SEC14L3: variants seen among roughly 807,000 people sequenced by gnomAD.
SEC14L3 encodes SEC14-like protein 3.
A neutral mutation model predicts 57.4 loss-of-function variants in SEC14L3; 56 were observed. The observed-to-expected ratio is 0.97, with a 90% CI of 0.79 to 1.22. The LOEUF (loss-of-function observed/expected upper bound fraction) is 1.22, where lower values mean the gene tolerates loss of function less well. Among genes scored for constraint, SEC14L3 ranks in the 50% most tolerant of loss-of-function variants. The probability of loss-of-function intolerance (pLI) is 0.00; values close to 1 mark genes in which losing one functional copy is unlikely to be tolerated. For missense variants in SEC14L3, 485 were observed against 511.7 expected, an observed-to-expected ratio of 0.95 and a Z score of 0.50; for synonymous variants, 173 against 194.4, an observed-to-expected ratio of 0.89 and a Z score of 0.92.
intron 8 of SEC14L3, among the ~76,000 whole-genome samples, chr22:30,463,087 T>C (rs1365531248): frequency 6.6e-6 from 1 of 152,206 alleles, no homozygotes; most frequent in African/African-American, 2.4e-5. Flanking sequence ...CTAAGAGTTA[T>C]CTAATTGCCT....
intron 4 of SEC14L3, 132 bp from the exon 5 acceptor site, chr22:30,468,828 C>T (rs780031926): frequency 9.7e-5 from 152 of 1,574,570 alleles, no homozygotes; most frequent in Non-Finnish European, 1.2e-4. Context: ...GAAGACAGTG[C>T]TATTGTCTCA....
chr22:30,468,071 G>T (rs768493372), intron 5 of SEC14L3, among the ~76,000 whole-genome samples: 1 of 152,114 alleles, frequency 6.6e-6, no homozygotes, highest in Admixed American at 6.5e-5. Flanking sequence ...ACAAGGTCAG[G>T]AGATCGAGAC....
At chr22:30,471,224 G>T (rs1213264629) in intron 1 of SEC14L3, 4 of 441,260 alleles carry the variant, frequency 9.1e-6, no homozygotes, top group Non-Finnish European at 1.8e-5. Context: ...GACAGAGGCT[G>T]CAGTGAGCTG....
At position 30,466,677 on chromosome 22, in the gene SEC14L3, A is replaced by G. The variant is rs912685499; in HGVS notation, c.520-283T>C. 2.7e-5 allele frequency among the ~76,000 whole-genome samples: 4 copies of G among 149,026 alleles called. No homozygotes were observed. The East Asian group carries it at 6.0e-4, about 22-fold the overall frequency. On this transcript the variant is annotated intron_variant, in intron 6 of 11. Transcript: ENST00000215812. ...GTTCACTATTTGCCAAGCAGTGTATATACACTTTACATAACAACTTGCTGA... is the reference window on the plus strand; with the variant it reads ...GTTCACTATTTGCCAAGCAGTGTATGTACACTTTACATAACAACTTGCTGA...
At chr22:30,468,819 A>G (rs1352478031) in intron 4 of SEC14L3, 123 bp from the exon 5 acceptor site, 1 of 1,583,426 alleles carries the variant, frequency 6.3e-7, no homozygotes, top group Admixed American at 1.9e-5. Context: ...CCCTCCCTGG[A>G]AGACAGTGCT....
Position 30,470,500 on chromosome 22 carries a change from C to T in SEC14L3, c.130+7G>A, listed in dbSNP as rs1569232736. On this transcript the variant is annotated splice_region_variant and intron_variant, in intron 2 of 11. Transcript: ENST00000215812. ...CTGATCCCAACCTCTCCCACCTCTG[C>T]CCTCACCTCGGAGCCAGCGTAGAAG... The T allele has an allele frequency of 6.2e-7, 1 of 1,614,124 alleles. No homozygotes were observed. The highest frequency in any genetic ancestry group is 1.7e-5 in the Admixed American group (1 of 60,026).
chr22:30,455,953 A>G (rs1935112119), downstream of SEC14L3, among the ~76,000 whole-genome samples: 1 of 152,116 alleles, frequency 6.6e-6, no homozygotes, highest in African/African-American at 2.4e-5. Context: ...TTCCTGCCCT[A>G]TGCTGCTAGC....
rs114360874 is a variant in SEC14L3, at chr22:30,464,076, T to C, written c.664+744A>G. ...TTCCATGGCATTAAATATTCACATA[T>C]AGCCTTATTTCTCATGGCGGCTCCA... On this transcript the variant is annotated intron_variant, in intron 8 of 11. Transcript: ENST00000215812. Among the ~76,000 whole-genome samples, 954 of 152,346 alleles carry C rather than the reference T, an allele frequency of 6.3e-3. 11 individuals are homozygous for C. The highest frequency in any genetic ancestry group is 0.021 in the African/African-American group (887 of 41,578).
rs1287935748 is a variant in SEC14L3, at chr22:30,462,072, A to T, written c.771+14T>A. The T allele has an allele frequency of 6.2e-7, 1 of 1,613,262 alleles. No individual in the cohort carries two copies. On this transcript the variant is annotated intron_variant, in intron 9 of 11. Coordinates refer to ENST00000215812, the MANE Select transcript of SEC14L3 (RefSeq NM_174975.5). ...TCTTGAACCTCTCTTGTCCCAGGGA[A>T]GGGCTCTTTGTACCTTGGTTAAACA...
At chr22:30,465,675 G>A (rs2412987) in intron 7 of SEC14L3, among the ~76,000 whole-genome samples, 106,812 of 151,792 alleles carry the variant, frequency 0.7, 38,557 homozygotes, top group African/African-American at 0.86. Context: ...ATGCCAACCA[G>A]CCACTCAATC....
rs771020915 is a variant in SEC14L3 at position 30,466,441 on chromosome 22, C to T, written c.520-47G>A. ...CTTCAGAGAGCACATCACATCTTCT[C>T]CTACCTCCATCTCCTGTGCAATCTC... is the stretch of plus-strand genomic sequence containing the variant. On this transcript the variant is annotated intron_variant, in intron 6 of 11. Coordinates refer to ENST00000215812, the MANE Select transcript of SEC14L3 (RefSeq NM_174975.5). The T allele has an allele frequency of 3.7e-6, 6 of 1,613,550 alleles. No homozygotes were observed. In the East Asian group the frequency reaches 6.7e-5, roughly 18 times the overall value.
chr22:30,471,105 T>G (rs1935594883), intron 1 of SEC14L3: 1 of 339,100 alleles, frequency 2.9e-6, no homozygotes, highest in Non-Finnish European at 5.7e-6. Flanking sequence ...GCCAACATGG[T>G]GAAAACTCAT....
chr22:30,455,406 G>A (rs751981315), downstream of SEC14L3, among the ~76,000 whole-genome samples: 16 of 150,138 alleles, frequency 1.1e-4, no homozygotes, highest in Admixed American at 2.0e-4. Context: ...GCACCACCAC[G>A]CCCAGCTAAT....
At chr22:30,461,956 G>T in intron 9 of SEC14L3, 130 bp downstream of exon 9, 1 of 1,092,012 alleles carries the variant, frequency 9.2e-7, no homozygotes. Context: ...AAGGGCGAGG[G>T]TTGTATTGAC....
At chr22:30,448,951 C>A (rs1331752165) in exon 13 of SEC14L3, 12 of 777,488 alleles carry the variant, frequency 1.5e-5, no homozygotes. Flanking sequence ...GCCCTAGGCC[C>A]TCTGAGTATA....
chr22:30,468,928 G>T, intron 4 of SEC14L3: 2 of 1,479,008 alleles, frequency 1.4e-6, no homozygotes, highest in Non-Finnish European at 9.0e-7. Flanking sequence ...GGACTTCTTA[G>T]GTCTGCCCCT....
intron 4 of SEC14L3, 138 bp from the exon 5 acceptor site, chr22:30,468,834 T>C: frequency 6.4e-7 from 1 of 1,565,422 alleles, no homozygotes; most frequent in Non-Finnish European, 8.7e-7. Flanking sequence ...AGTGCTATTG[T>C]CTCAGGTGAG....
chr22:30,462,661 G>C (rs996165969), intron 8 of SEC14L3, among the ~76,000 whole-genome samples: 23 of 152,016 alleles, frequency 1.5e-4, no homozygotes, highest in African/African-American at 5.3e-4. Flanking sequence ...GGGCTCAAAT[G>C]ATTGTCTTAC....
In SEC14L3 at chr22:30,459,701, G is replaced by A; in HGVS notation, c.*320C>T. ...TCACAGCCATACGGAAGGAATTCAA[G>A]CATACACACCTGCCTTAGGGTAGGT... On this transcript the variant is annotated 3_prime_UTR_variant, in exon 12 of 12. Coordinates refer to ENST00000215812, the MANE Select transcript of SEC14L3 (RefSeq NM_174975.5). The A allele has an allele frequency of 9.6e-7, 1 of 1,042,202 alleles. No individual in the cohort carries two copies. The highest frequency in any genetic ancestry group is 1.2e-6 in the Non-Finnish European group (1 of 863,984). The allele number at this position is 1,042,202 out of a possible 1,614,324, so 64.6% of individuals were successfully genotyped here.
Sources: allele counts gnomAD v4.1 joint callset (sites outside exome capture counted in the v4.1 genomes callset), GRCh38; gene constraint gnomAD v4.1.1; transcripts MANE v1.5; gene names NCBI Gene and HGNC (gene_info 2026-07-23, HGNC 2026-07-21).